NKAIN2: variants seen among roughly 807,000 people sequenced by gnomAD.
NKAIN2 encodes sodium/potassium transporting ATPase interacting 2.
Under a neutral mutation model 32.6 loss-of-function variants are expected in NKAIN2, and 14 were observed. The observed-to-expected ratio is 0.43, with a 90% CI of 0.28 to 0.67. NKAIN2 has a LOEUF of 0.67. Among genes scored for constraint, NKAIN2 ranks in the 30% least tolerant of loss-of-function variants. The pLI, the probability that NKAIN2 is intolerant of heterozygous loss-of-function variation, is 0.17. For missense variants in NKAIN2, 198 were observed against 258.3 expected (o/e 0.77, Z 1.60); for synonymous variants, 80 against 87.2 (o/e 0.92, Z 0.46).
At chr6:124,199,681 C>T (rs1212462946) in intron 1 of NKAIN2, among the ~76,000 whole-genome samples, 2 of 152,128 alleles carry the variant, frequency 1.3e-5, no homozygotes, top group African/African-American at 4.8e-5. Flanking sequence ...CATTGTGTAA[C>T]ATTTTACAGT....
At chr6:124,696,914 G>A (rs1774525469) in intron 4 of NKAIN2, among the ~76,000 whole-genome samples, 1 of 151,972 alleles carries the variant, frequency 6.6e-6, no homozygotes, top group Non-Finnish European at 1.5e-5. Flanking sequence ...ATGAATAGGG[G>A]TTCCAAACAA....
At chr6:123,821,278 T>G (rs903883647) in intron 1 of NKAIN2, among the ~76,000 whole-genome samples, 1 of 152,206 alleles carries the variant, frequency 6.6e-6, no homozygotes, top group South Asian at 2.1e-4. Context: ...AAATGGCTCC[T>G]TCATATTGTC....
intron 3 of NKAIN2, among the ~76,000 whole-genome samples, chr6:124,370,922 C>G (rs1258450147): frequency 1.3e-5 from 2 of 152,088 alleles, no homozygotes; most frequent in African/African-American, 4.8e-5. Context: ...CGAGATTTTG[C>G]ACTCTGGTTT....
chr6:124,355,672 A>G (rs144413145), intron 3 of NKAIN2, among the ~76,000 whole-genome samples: 1,694 of 152,236 alleles, frequency 0.011, 35 homozygotes, highest in African/African-American at 0.037. Flanking sequence ...GATTTCTGAA[A>G]TCACTTAGTT....
chr6:124,434,895 T>A (rs956530670), intron 3 of NKAIN2, among the ~76,000 whole-genome samples: 3 of 152,152 alleles, frequency 2.0e-5, no homozygotes, highest in Non-Finnish European at 4.4e-5. Flanking sequence ...AATTTGAAGC[T>A]AAGACAATAC....
At chr6:124,674,037 T>G (rs1214569360) in intron 4 of NKAIN2, among the ~76,000 whole-genome samples, 1 of 152,070 alleles carries the variant, frequency 6.6e-6, no homozygotes, top group Non-Finnish European at 1.5e-5. Context: ...TGATTTGGTT[T>G]TTGTATATAT....
chr6:124,152,336 A>G (rs537523370), intron 1 of NKAIN2, among the ~76,000 whole-genome samples: 2 of 152,116 alleles, frequency 1.3e-5, no homozygotes, highest in Admixed American at 1.3e-4. Context: ...ACCAGTATGC[A>G]TGATCTAATT....
intron 1 of NKAIN2, among the ~76,000 whole-genome samples, chr6:124,190,760 TAGAG>T (rs1331681334): frequency 6.6e-6 from 1 of 152,194 alleles, no homozygotes; most frequent in Non-Finnish European, 1.5e-5. Flanking sequence ...AAGACATTAA[TAGAG>T]AGTTCATTTC....
chr6:124,179,728 G>A, intron 1 of NKAIN2, among the ~76,000 whole-genome samples: 1 of 152,310 alleles, frequency 6.6e-6, no homozygotes, highest in East Asian at 1.9e-4. Context: ...GAGGGGAAAT[G>A]TAACTGTGAC....
At chr6:124,311,612 A>G (rs1186179651) in intron 2 of NKAIN2, among the ~76,000 whole-genome samples, 1 of 152,164 alleles carries the variant, frequency 6.6e-6, no homozygotes, top group African/African-American at 2.4e-5. Context: ...CAGGAAGCAA[A>G]ACGCAAATAG....
chr6:124,217,630 T>C (rs1194675919), intron 1 of NKAIN2, among the ~76,000 whole-genome samples: 1 of 152,142 alleles, frequency 6.6e-6, no homozygotes, highest in Non-Finnish European at 1.5e-5. Context: ...GCCTGACTAA[T>C]CAGACCACTT....
At chr6:124,816,097 C>A (rs992170214) in intron 5 of NKAIN2, among the ~76,000 whole-genome samples, 1 of 151,930 alleles carries the variant, frequency 6.6e-6, no homozygotes, top group Non-Finnish European at 1.5e-5. Flanking sequence ...AAAGGGTTTC[C>A]CATGCAAAAA....
At chr6:124,397,149 A>G (rs1382775365) in intron 3 of NKAIN2, among the ~76,000 whole-genome samples, 1 of 152,024 alleles carries the variant, frequency 6.6e-6, no homozygotes, top group Non-Finnish European at 1.5e-5. Flanking sequence ...CTCTAAATAC[A>G]CATAATAAAG....
intron 1 of NKAIN2, among the ~76,000 whole-genome samples, chr6:124,118,285 A>T (rs993346033): frequency 4.6e-5 from 7 of 152,198 alleles, no homozygotes; most frequent in Admixed American, 2.6e-4. Context: ...AAAATGAATT[A>T]AAAAATCGGA....
chr6:124,782,554 G>T lies in NKAIN2; in HGVS notation c.475-8785G>T, dbSNP rs7758494. On this transcript the variant is annotated intron_variant, in intron 4 of 6. Coordinates refer to ENST00000368417, the MANE Select transcript of NKAIN2 (RefSeq NM_001040214.3). Reference sequence around the variant, plus strand: ...TCACTGGGGCAGCATACTCCTTCCAGTGAAATTCATGGATCCTTCTTTAGC... The same window carrying T: ...TCACTGGGGCAGCATACTCCTTCCATTGAAATTCATGGATCCTTCTTTAGC... Among the ~76,000 whole-genome samples the T allele has an allele frequency of 6.8e-3, 1,040 of 152,200 alleles. 12 individuals are homozygous for T. The highest frequency in any genetic ancestry group is 0.024 in the African/African-American group (997 of 41,552).
intron 1 of NKAIN2, among the ~76,000 whole-genome samples, chr6:123,813,169 A>G (rs942233709): frequency 3.0e-4 from 45 of 152,218 alleles, no homozygotes; most frequent in Admixed American, 2.2e-3. Flanking sequence ...AGCCACAATG[A>G]GAAGAGAAAA....
chr6:124,797,528 T>C (rs544926387), intron 5 of NKAIN2, among the ~76,000 whole-genome samples: 3 of 152,334 alleles, frequency 2.0e-5, no homozygotes, highest in South Asian at 4.1e-4. Context: ...CATCAAAACC[T>C]GTCCTGAATT....
At chr6:123,876,731 C>T (rs1012424733) in intron 1 of NKAIN2, among the ~76,000 whole-genome samples, 2 of 152,238 alleles carry the variant, frequency 1.3e-5, no homozygotes, top group South Asian at 4.1e-4. Flanking sequence ...TCAAGTCCTC[C>T]AGGGATTGGA....
At chr6:123,904,295 C>A (rs1182354240) in intron 1 of NKAIN2, among the ~76,000 whole-genome samples, 1 of 151,812 alleles carries the variant, frequency 6.6e-6, no homozygotes, top group South Asian at 2.1e-4. Flanking sequence ...ATTTAGGAAC[C>A]GAATGTTGAT....
Sources: gnomAD v4.1 joint callset for allele counts (sites outside exome capture counted in the v4.1 genomes callset) on GRCh38, gnomAD v4.1.1 for gene constraint, MANE v1.5 for transcripts, NCBI Gene and HGNC (gene_info 2026-07-23, HGNC 2026-07-21) for gene names.